MTMR2: variants seen among roughly 807,000 people sequenced by gnomAD.
MTMR2 encodes the protein myotubularin related protein 2, also known as phosphatidylinositol-3,5-bisphosphate 3-phosphatase MTMR2.
A neutral mutation model predicts 86.9 loss-of-function variants in MTMR2; 55 were observed. That is an observed-to-expected ratio of 0.63 (90% CI 0.51 to 0.79). The LOEUF is 0.79. Among genes scored for constraint, MTMR2 ranks in the 30% least tolerant of loss-of-function variants. The probability of loss-of-function intolerance (pLI) is 0.00; values close to 1 mark genes in which losing one functional copy is unlikely to be tolerated. For synonymous variants in MTMR2, 241 were observed against 266.8 expected, an observed-to-expected ratio of 0.90 and a Z score of 0.94; for missense variants, 659 against 772.3, an observed-to-expected ratio of 0.85 and a Z score of 1.74.
intron 2 of MTMR2, 129 bp from the exon 3 acceptor site, chr11:95,865,805 TTGTTAAAC>T: frequency 1.3e-6 from 1 of 773,712 alleles, no homozygotes; most frequent in Admixed American, 2.2e-5. Context: ...TAAATCAAAT[TTGTTAAAC>T]TGTAGTGTTG....
At chr11:95,890,214 A>T (rs1419908370) in intron 1 of MTMR2, among the ~76,000 whole-genome samples, 1 of 152,246 alleles carries the variant, frequency 6.6e-6, no homozygotes, top group Admixed American at 6.5e-5. Context: ...ACATAGTTTT[A>T]TAATGTAAGG....
At chr11:95,917,809 G>A (rs951130918) in intron 1 of MTMR2, among the ~76,000 whole-genome samples, 2 of 152,198 alleles carry the variant, frequency 1.3e-5, no homozygotes, top group Non-Finnish European at 2.9e-5. Flanking sequence ...GGAGGGGTTG[G>A]TCTTGCTGTG....
At chr11:95,837,012 T>C (rs1282162280) in intron 13 of MTMR2, among the ~76,000 whole-genome samples, 1 of 151,920 alleles carries the variant, frequency 6.6e-6, no homozygotes, top group African/African-American at 2.4e-5. Flanking sequence ...ATTTAAAAAG[T>C]TTTTTTAAAA....
At chr11:95,874,791 C>A (rs981842425) in intron 2 of MTMR2, among the ~76,000 whole-genome samples, 1 of 151,944 alleles carries the variant, frequency 6.6e-6, no homozygotes, top group Non-Finnish European at 1.5e-5. Flanking sequence ...GCAGGCCTGG[C>A]GGTGACAAAA....
chr11:95,833,792 T>G lies in MTMR2; in HGVS notation c.*1498A>C, dbSNP rs1863129858. The G allele has an allele frequency of 6.6e-6, 1 of 152,088 alleles. No individual in the cohort carries two copies. Among genetic ancestry groups the G allele is most frequent in the African/African-American group, 2.4e-5 (1 of 41,424 alleles). The allele number at this position is 152,088 out of a possible 1,614,324, so 9.4% of individuals were successfully genotyped here. The stretch of plus-strand genomic sequence containing the variant: ...TTTGCTAGCCACTTAAATGCCCTGT[T>G]AAAAAGCTTATATTTCACACAATTA... On this transcript the variant is annotated 3_prime_UTR_variant, in exon 15 of 15. Transcript: ENST00000346299.
At chr11:95,898,473 A>G (rs1865956089) in intron 1 of MTMR2, among the ~76,000 whole-genome samples, 1 of 152,016 alleles carries the variant, frequency 6.6e-6, no homozygotes, top group African/African-American at 2.4e-5. Flanking sequence ...TCACTAGTAT[A>G]CTTTAACACA....
intron 1 of MTMR2, among the ~76,000 whole-genome samples, chr11:95,899,368 C>G (rs541227180): frequency 5.9e-5 from 9 of 152,192 alleles, no homozygotes; most frequent in African/African-American, 2.2e-4. Context: ...GTTTGAGAAG[C>G]TGCTGCTTTC....
chr11:95,850,824 CT>C, intron 7 of MTMR2, 75 bp from the exon 8 acceptor site: 1 of 1,400,356 alleles, frequency 7.1e-7, no homozygotes. Context: ...AGAAGCCATC[CT>C]GTTCAATCTC....
intron 2 of MTMR2, among the ~76,000 whole-genome samples, chr11:95,883,668 A>AT (rs1475736983): frequency 6.6e-6 from 1 of 152,232 alleles, no homozygotes; most frequent in East Asian, 1.9e-4. Context: ...TAATACAAAT[A>AT]TAATTCCACT....
chr11:95,915,488 A>T (rs1478624420), intron 1 of MTMR2, among the ~76,000 whole-genome samples: 1 of 152,168 alleles, frequency 6.6e-6, no homozygotes, highest in Non-Finnish European at 1.5e-5. Context: ...GTTTGAAATT[A>T]TATGCTTAAA....
intron 1 of MTMR2, among the ~76,000 whole-genome samples, chr11:95,895,798 C>T (rs1184929164): frequency 6.6e-6 from 1 of 152,022 alleles, no homozygotes; most frequent in Non-Finnish European, 1.5e-5. Flanking sequence ...CACAAAAAAA[C>T]CCACGATTAT....
intron 1 of MTMR2, 41 bp downstream of exon 1, chr11:95,923,834 C>T (rs1319212756): frequency 3.9e-6 from 6 of 1,538,206 alleles, no homozygotes; most frequent in Non-Finnish European, 8.8e-7. Context: ...CCCTCTCCAT[C>T]CCCTTCGGAC....
At position 95,868,141 on chromosome 11, in the gene MTMR2, C is replaced by T. The variant is rs183048793; in HGVS notation, c.187-2465G>A. On this transcript the variant is annotated intron_variant, in intron 2 of 14. Transcript: ENST00000346299. ...AATCAGCTGGGCAGGCATGGCATCACGGGTCTACAGTCTCAGCTACTTGGG... is the reference window on the plus strand; with the variant it reads ...AATCAGCTGGGCAGGCATGGCATCATGGGTCTACAGTCTCAGCTACTTGGG... 2.7e-3 allele frequency among the ~76,000 whole-genome samples: 404 copies of T among 151,580 alleles called. 4 individuals carry two copies. In the South Asian group the frequency reaches 0.043, roughly 16 times the overall value.
At chr11:95,875,913 T>C (rs1865091766) in intron 2 of MTMR2, among the ~76,000 whole-genome samples, 1 of 152,132 alleles carries the variant, frequency 6.6e-6, no homozygotes, top group African/African-American at 2.4e-5. Context: ...TGCAGAACAG[T>C]AGATATTGGT....
Position 95,888,212 on chromosome 11 carries a change from C to A in MTMR2, c.130G>T (p.Val44Phe). The change falls in exon 2 of 15, where the codon GTT becomes TTT. Residue 44 changes from valine (V) to phenylalanine (F), a missense_variant. By Grantham distance (50) the Val-to-Phe change is conservative (BLOSUM62 -1). Around this residue, in one of 3 missense-constraint regions of MTMR2, gnomAD observed 79 missense variants for 54.4 expected, o/e 1.45. Coordinates refer to ENST00000346299, the MANE Select transcript of MTMR2 (RefSeq NM_016156.6). ...ENSVHTKSAS[V>F]VSSDSISTSA... Reference sequence around the variant, plus strand: ...GTTGAAATGGAATCTGATGATACAACAGAAGCTGATTTTGTATGCACTGAA... The same window carrying A: ...GTTGAAATGGAATCTGATGATACAAAAGAAGCTGATTTTGTATGCACTGAA... 6.2e-7 allele frequency: 1 copy of A among 1,613,548 alleles called. No individual in the cohort carries two copies.
At chr11:95,913,221 T>G (rs2135620124) in intron 1 of MTMR2, 1 of 152,198 alleles carries the variant, frequency 6.6e-6, no homozygotes, top group South Asian at 2.1e-4. Flanking sequence ...AGACAGGAAA[T>G]ACAGTGAAGT....
intron 13 of MTMR2, among the ~76,000 whole-genome samples, chr11:95,836,777 T>C (rs1353407000): frequency 6.6e-6 from 1 of 152,000 alleles, no homozygotes; most frequent in African/African-American, 2.4e-5. Flanking sequence ...ACACAAGGTT[T>C]ACATATTAAA....
intron 10 of MTMR2, among the ~76,000 whole-genome samples, chr11:95,847,286 G>T (rs977689376): frequency 6.6e-6 from 1 of 152,134 alleles, no homozygotes. Flanking sequence ...ATATATGTAG[G>T]ATTTATCCAG....
chr11:95,868,303 A>AAAAAG (rs1565362661), intron 2 of MTMR2, among the ~76,000 whole-genome samples: 5 of 68,348 alleles, frequency 7.3e-5, no homozygotes, highest in Non-Finnish European at 1.7e-4. Flanking sequence ...AAAAAAAAAG[A>AAAAAG]AAGAAAAAGA....
Sources: allele counts gnomAD v4.1 joint callset (sites outside exome capture counted in the v4.1 genomes callset), GRCh38; gene constraint gnomAD v4.1.1; regional missense constraint gnomAD v4.1.1; transcripts MANE v1.5; gene names NCBI Gene and HGNC (gene_info 2026-07-23, HGNC 2026-07-21).